Variants in TEK observed in about 807,000 individuals in gnomAD.
The protein encoded by TEK is TEK receptor tyrosine kinase, also known as angiopoietin-1 receptor.
In TEK, 43 loss-of-function variants were observed where a neutral mutation model predicts 131.8. The ratio of observed to expected loss-of-function variants is 0.33; its 90% CI spans 0.26 to 0.42. TEK has a LOEUF of 0.42. Among genes scored for constraint, TEK ranks in the 10% least tolerant of loss-of-function variants. The pLI is 1.00. For synonymous variants in TEK, 580 were observed against 491.6 expected, an observed-to-expected ratio of 1.18 and a Z score of -2.38; for missense variants, 1,162 against 1,384.4, an observed-to-expected ratio of 0.84 and a Z score of 2.55.
intron 6 of TEK, among the ~76,000 whole-genome samples, chr9:27,179,470 A>G (rs1420974330): frequency 1.3e-5 from 2 of 152,168 alleles, no homozygotes; most frequent in Non-Finnish European, 2.9e-5. Context: ...TCCTTTAAAA[A>G]ACGGGCCTTA....
In TEK at chr9:27,193,565, T is replaced by C. The variant is rs572923967; in HGVS notation, c.1624+942T>C. The stretch of plus-strand genomic sequence containing the variant: ...CTTTCTGTTACCCAGGTACCCTCCA[T>C]TGAAATACTGGAGTGATCTTTTGTA... On this transcript the variant is annotated intron_variant, in intron 11 of 22. Coordinates refer to ENST00000380036, the MANE Select transcript of TEK (RefSeq NM_000459.5). 3.3e-5 allele frequency among the ~76,000 whole-genome samples: 5 copies of C among 152,318 alleles called. No homozygotes were observed. The South Asian group carries it at 6.2e-4, about 19-fold the overall frequency.
intron 12 of TEK, 82 bp from the exon 13 acceptor site, chr9:27,202,738 A>G: frequency 6.9e-7 from 1 of 1,450,724 alleles, no homozygotes; most frequent in Non-Finnish European, 9.6e-7. Flanking sequence ...ATATGAGCTG[A>G]CATGAACTCT....
In TEK at chr9:27,229,303, C is replaced by A; in HGVS notation, c.*71C>A. The stretch of plus-strand genomic sequence containing the variant: ...AGACCCTTGACACCTGCTGAGAAAA[C>A]ATGCCTCTGCCAAAGGATGTGATAT... On this transcript the variant is annotated 3_prime_UTR_variant, in exon 23 of 23. Coordinates refer to ENST00000380036, the MANE Select transcript of TEK (RefSeq NM_000459.5). 2 of 1,427,876 alleles carry A rather than the reference C, an allele frequency of 1.4e-6. No individual in the cohort carries two copies. Among genetic ancestry groups the A allele is most frequent in the Non-Finnish European group, 2.0e-6 (2 of 1,011,298 alleles). The allele number at this position is 1,427,876 out of a possible 1,614,324, so 88.5% of individuals were successfully genotyped here. A position where few individuals can be genotyped will look rare whatever the true frequency, so the allele number is the denominator to read the frequency against.
In TEK at chr9:27,157,815, C is replaced by T. The variant is rs1424018353; in HGVS notation, c.53-16C>T. 6.2e-7 allele frequency: 1 copy of T among 1,613,986 alleles called. No homozygotes were observed. Among genetic ancestry groups the T allele is most frequent in the Admixed American group, 1.7e-5 (1 of 60,018 alleles). On this transcript the variant is annotated splice_polypyrimidine_tract_variant and intron_variant, in intron 1 of 22. Coordinates refer to ENST00000380036, the MANE Select transcript of TEK (RefSeq NM_000459.5). ...AATAACCTTAGTCATACATTATTGT[C>T]TCTCTTTCCTTTTAGGAACTGTGGA...
chr9:27,135,414 G>C (rs1321891293), intron 1 of TEK, among the ~76,000 whole-genome samples: 1 of 151,954 alleles, frequency 6.6e-6, no homozygotes, highest in South Asian at 2.1e-4. Context: ...TGACTGTTTT[G>C]CAGGGGAAAA....
Position 27,134,524 on chromosome 9 carries a change from T to A in TEK, c.53-23307T>A, listed in dbSNP as rs144012079. Among the ~76,000 whole-genome samples the A allele has an allele frequency of 1.9e-3, 283 of 152,364 alleles. 5 individuals carry two copies. The highest frequency in any genetic ancestry group is 0.017 in the East Asian group (90 of 5,186). ...TAAAATCAATTTAACCTAGTTTCTATCTCTTTTATGAGCCAAAATTAGGAG... is the reference window on the plus strand; with the variant it reads ...TAAAATCAATTTAACCTAGTTTCTAACTCTTTTATGAGCCAAAATTAGGAG... On this transcript the variant is annotated intron_variant, in intron 1 of 22. Coordinates refer to ENST00000380036, the MANE Select transcript of TEK (RefSeq NM_000459.5).
intron 11 of TEK, among the ~76,000 whole-genome samples, chr9:27,193,345 G>A (rs13298110): frequency 0.096 from 14,623 of 152,246 alleles, 886 homozygotes; most frequent in Non-Finnish European, 0.13. Flanking sequence ...TGGTTTTGAG[G>A]TGAGGATGGG....
In TEK at chr9:27,109,319, C is replaced by G. The variant is rs1447389671; in HGVS notation, c.-272C>G. 1.7e-6 allele frequency: 1 copy of G among 583,684 alleles called. No individual in the cohort carries two copies. Among genetic ancestry groups the G allele is most frequent in the Non-Finnish European group, 3.0e-6 (1 of 330,408 alleles). 36.2% of individuals were successfully genotyped at this position (583,684 alleles called of 1,614,324 possible). On this transcript the variant is annotated 5_prime_UTR_variant, in exon 1 of 23. Coordinates refer to ENST00000380036, the MANE Select transcript of TEK (RefSeq NM_000459.5). ...GCGAGATGGATAGGGCTTGAGTGCCCCCAGCCCTGCTGATACCAAATGCCT... is the reference window on the plus strand; with the variant it reads ...GCGAGATGGATAGGGCTTGAGTGCCGCCAGCCCTGCTGATACCAAATGCCT...
chr9:27,177,034 G>A (rs1824195755), intron 6 of TEK, among the ~76,000 whole-genome samples: 1 of 152,056 alleles, frequency 6.6e-6, no homozygotes, highest in Non-Finnish European at 1.5e-5. Context: ...CTTTTCAAAG[G>A]CTGAATAATA....
intron 1 of TEK, among the ~76,000 whole-genome samples, chr9:27,149,386 A>G (rs1239536271): frequency 6.6e-6 from 1 of 152,154 alleles, no homozygotes; most frequent in African/African-American, 2.4e-5. Flanking sequence ...CTTTCCTTCA[A>G]TAGTGTGAGA....
intron 10 of TEK, 107 bp from the exon 11 acceptor site, chr9:27,192,381 CG>C: frequency 8.0e-7 from 1 of 1,254,680 alleles, no homozygotes; most frequent in Non-Finnish European, 1.2e-6. Flanking sequence ...TTCACTAAGA[CG>C]TAGTTTTGAA....
Position 27,194,000 on chromosome 9 carries a change from GT to G in TEK, c.1624+1378del, listed in dbSNP as rs1248683760. Among the ~76,000 whole-genome samples, 3 of 152,040 alleles carry G rather than the reference GT, an allele frequency of 2.0e-5. No homozygotes were observed. In the East Asian group the frequency reaches 5.8e-4, roughly 29 times the overall value. ...AAAAAATTTTTTTTGTAGAGACGGGGTCTTGCTTTGTTGCCCAGGCTGGTCT... is the reference window on the plus strand; with the variant it reads ...AAAAAATTTTTTTTGTAGAGACGGGGCTTGCTTTGTTGCCCAGGCTGGTCT... On this transcript the variant is annotated intron_variant, in intron 11 of 22. Coordinates refer to ENST00000380036, the MANE Select transcript of TEK (RefSeq NM_000459.5).
intron 8 of TEK, 112 bp downstream of exon 8, chr9:27,183,722 G>GTGT: frequency 7.0e-7 from 1 of 1,432,384 alleles, no homozygotes; most frequent in Non-Finnish European, 9.8e-7. Context: ...AGGCTAGTGT[G>GTGT]TTGTTGGCTT....
intron 1 of TEK, among the ~76,000 whole-genome samples, chr9:27,137,459 A>G (rs111242971): frequency 1.6e-4 from 24 of 151,718 alleles, no homozygotes; most frequent in Non-Finnish European, 2.9e-4. Flanking sequence ...CTACTAGCTT[A>G]AAAGAATAGA....
chr9:27,223,777 T>C lies in TEK; in HGVS notation c.3200+3632T>C, dbSNP rs145551490. Among the ~76,000 whole-genome samples, 1,503 of 152,132 alleles carry C rather than the reference T, an allele frequency of 9.9e-3. 31 individuals are homozygous for C. Among genetic ancestry groups the C allele is most frequent in the African/African-American group, 0.034 (1,410 of 41,502 alleles). ...AGAAATAACTAAGATCAGAGCAGCA[T>C]TGAAGGAGACAGGGACATGAAAAAC... is the stretch of plus-strand genomic sequence containing the variant. On this transcript the variant is annotated intron_variant, in intron 21 of 22. Coordinates refer to ENST00000380036, the MANE Select transcript of TEK (RefSeq NM_000459.5).
Position 27,228,274 on chromosome 9 carries a change from T to A in TEK, c.3269T>A (p.Val1090Glu). ...YERPSFAQILVSLNRMLEERK... is the reference protein window; with the variant it reads ...YERPSFAQILESLNRMLEERK... The stretch of plus-strand genomic sequence containing the variant: ...AGGCCATCATTTGCCCAGATATTGG[T>A]GTCCTTAAACAGAATGTTAGAGGAG... The change falls in exon 22 of 23, where the codon GTG (valine) becomes GAG (glutamate). Residue 1090 changes from valine to glutamate, a missense_variant. Physicochemically the swap from Val to Glu is moderately radical, Grantham distance 121 (BLOSUM62 -2). Coordinates refer to ENST00000380036, the MANE Select transcript of TEK (RefSeq NM_000459.5). 2 of 1,613,076 alleles carry A rather than the reference T, an allele frequency of 1.2e-6. No individual in the cohort carries two copies. Among genetic ancestry groups the A allele is most frequent in the East Asian group, 4.5e-5 (2 of 44,866 alleles).
At chr9:27,123,561 C>T (rs1821880530) in intron 1 of TEK, among the ~76,000 whole-genome samples, 1 of 152,334 alleles carries the variant, frequency 6.6e-6, no homozygotes, top group East Asian at 1.9e-4. Flanking sequence ...AAAAGATTAT[C>T]TAGCCCAGTG....
chr9:27,173,723 GTTTTTTTTTTTTGGTTTTTTT>G (rs1824052835), intron 6 of TEK, among the ~76,000 whole-genome samples: 1 of 92,070 alleles, frequency 1.1e-5, no homozygotes, highest in African/African-American at 4.1e-5. Flanking sequence ...TAGAAGACTT[GTTTTTTTTTTTTGGTTTTTTT>G]TTTTTTTTTT....
intron 16 of TEK, chr9:27,210,532 A>G (rs942683818): frequency 4.2e-5 from 7 of 167,464 alleles, no homozygotes; most frequent in African/African-American, 1.4e-4. Flanking sequence ...TGTTGACCCC[A>G]CTGCAGATCT....
Sources: gnomAD v4.1 joint callset for allele counts (sites outside exome capture counted in the v4.1 genomes callset) on GRCh38, gnomAD v4.1.1 for gene constraint, MANE v1.5 for transcripts, NCBI Gene and HGNC (gene_info 2026-07-23, HGNC 2026-07-21) for gene names.